The following TRIM33 variants were observed in gnomAD, a reference collection of about 807,000 sequenced individuals.
TRIM33 encodes the protein E3 ubiquitin-protein ligase TRIM33.
In TRIM33, 20 loss-of-function variants were observed where a neutral mutation model predicts 125.4. The observed-to-expected ratio is 0.16, with a 90% confidence interval of 0.11 to 0.23. TRIM33 has a LOEUF of 0.23. Among genes scored for constraint, TRIM33 ranks in the 10% least tolerant of loss-of-function variants. The probability of loss-of-function intolerance (pLI) is 1.00; values close to 1 mark genes in which losing one functional copy is unlikely to be tolerated. For missense variants in TRIM33, 920 were observed against 1,411.4 expected, an observed-to-expected ratio of 0.65 and a Z score of 5.58; for synonymous variants, 564 against 513.9, an observed-to-expected ratio of 1.10 and a Z score of -1.32.
chr1:114,467,872 A>T (rs1282086024), intron 1 of TRIM33, among the ~76,000 whole-genome samples: 4 of 152,122 alleles, frequency 2.6e-5, no homozygotes, highest in African/African-American at 4.8e-5. Flanking sequence ...GGTCATCAAC[A>T]CCACTCTCCT....
At chr1:114,471,538 G>A (rs761297979) in intron 1 of TRIM33, among the ~76,000 whole-genome samples, 1 of 150,354 alleles carries the variant, frequency 6.7e-6, no homozygotes, top group Non-Finnish European at 1.5e-5. Flanking sequence ...ATCCTGAGAA[G>A]CAAATTAGTA....
intron 5 of TRIM33, among the ~76,000 whole-genome samples, chr1:114,432,507 C>A (rs1648023192): frequency 6.6e-6 from 1 of 152,158 alleles, no homozygotes; most frequent in African/African-American, 2.4e-5. Context: ...AAAGTTCTGG[C>A]CGGGCACAGT....
intron 1 of TRIM33, among the ~76,000 whole-genome samples, chr1:114,467,030 T>C (rs557286829): frequency 6.6e-6 from 1 of 152,336 alleles, no homozygotes; most frequent in South Asian, 2.1e-4. Context: ...TAAGAAACAT[T>C]CTGAAGGTCA....
At position 114,430,836 on chromosome 1, in the gene TRIM33, T is replaced by C; in HGVS notation, c.1117A>G (p.Ile373Val). The C allele has an allele frequency of 6.2e-7, 1 of 1,609,106 alleles. No homozygotes were observed. The highest frequency in any genetic ancestry group is 8.5e-7 in the Non-Finnish European group (1 of 1,175,658). ...KVAIFTLINEINKKGKSLLQQ... is the reference protein window; with the variant it reads ...KVAIFTLINEVNKKGKSLLQQ... ...AAGAGAGATTTTCCTTTCTTATTAATTTCATTGATAAGGGTGAAAATGGCC... is the reference window on the plus strand; with the variant it reads ...AAGAGAGATTTTCCTTTCTTATTAACTTCATTGATAAGGGTGAAAATGGCC... The change falls in exon 6 of 20, where the codon ATT becomes GTT. Residue 373 changes from isoleucine (I) to valine (V), a missense_variant. This residue lies in a region of TRIM33 where 50 missense variants were observed against 110.8 expected (regional missense o/e 0.45). Coordinates refer to ENST00000358465, the MANE Select transcript of TRIM33 (RefSeq NM_015906.4).
chr1:114,458,990 G>T (rs573899236), intron 4 of TRIM33, among the ~76,000 whole-genome samples: 1 of 152,132 alleles, frequency 6.6e-6, no homozygotes, highest in Non-Finnish European at 1.5e-5. Context: ...TCCATCCAGA[G>T]AAAATAAAAT....
At chr1:114,430,222 T>G (rs1647856410) in intron 6 of TRIM33, among the ~76,000 whole-genome samples, 1 of 149,094 alleles carries the variant, frequency 6.7e-6, no homozygotes, top group Admixed American at 6.6e-5. Context: ...GTACATCACA[T>G]TTTAGTAACA....
intron 4 of TRIM33, among the ~76,000 whole-genome samples, chr1:114,438,691 C>A (rs1418483682): frequency 6.6e-6 from 1 of 152,024 alleles, no homozygotes; most frequent in African/African-American, 2.4e-5. Context: ...ACTTCTTCTC[C>A]AGTAAAATAC....
At chr1:114,501,342 G>A (rs1458827475) in intron 1 of TRIM33, among the ~76,000 whole-genome samples, 1 of 149,662 alleles carries the variant, frequency 6.7e-6, no homozygotes, top group Non-Finnish European at 1.5e-5. Flanking sequence ...CTCAAAAGCG[G>A]CTCTTTCACA....
chr1:114,499,491 CCT>C (rs1491579226), intron 1 of TRIM33, among the ~76,000 whole-genome samples: 2 of 151,924 alleles, frequency 1.3e-5, no homozygotes, highest in African/African-American at 4.8e-5. Context: ...CTGAGAATTC[CCT>C]TTTTTTTTTC....
chr1:114,478,594 T>C (rs1216378603), intron 1 of TRIM33, among the ~76,000 whole-genome samples: 2 of 152,088 alleles, frequency 1.3e-5, no homozygotes, highest in Admixed American at 6.5e-5. Context: ...GCAACTATTA[T>C]AAATATTTTA....
intron 4 of TRIM33, among the ~76,000 whole-genome samples, chr1:114,446,095 A>G (rs1648957071): frequency 1.3e-5 from 2 of 152,166 alleles, no homozygotes; most frequent in Non-Finnish European, 2.9e-5. Flanking sequence ...AGCTCAGGCA[A>G]TCCACCTGCC....
At chr1:114,423,352 G>A (rs1647329251) in intron 10 of TRIM33, among the ~76,000 whole-genome samples, 2 of 152,066 alleles carry the variant, frequency 1.3e-5, no homozygotes, top group Admixed American at 6.6e-5. Flanking sequence ...TGTTGAAGAA[G>A]TAGAAGTGTA....
intron 11 of TRIM33, among the ~76,000 whole-genome samples, chr1:114,418,884 T>C (rs540005484): frequency 2.6e-5 from 4 of 151,960 alleles, no homozygotes; most frequent in East Asian, 1.9e-4. Flanking sequence ...CAAGCACCCA[T>C]TGCCTTACTG....
chr1:114,427,049 C>A, intron 8 of TRIM33, 128 bp downstream of exon 8: 1 of 510,228 alleles, frequency 2.0e-6, no homozygotes, highest in Non-Finnish European at 3.6e-6. Context: ...TGAATAACAA[C>A]ATATTTTTAC....
chr1:114,495,078 T>G (rs1459503796), intron 1 of TRIM33, among the ~76,000 whole-genome samples: 6 of 152,102 alleles, frequency 3.9e-5, no homozygotes, highest in African/African-American at 1.4e-4. Context: ...CACACCTGGC[T>G]AATTTTTGTA....
intron 4 of TRIM33, among the ~76,000 whole-genome samples, chr1:114,453,617 T>G (rs1649463471): frequency 6.6e-6 from 1 of 152,202 alleles, no homozygotes; most frequent in Non-Finnish European, 1.5e-5. Flanking sequence ...CTGATGAAAT[T>G]ATCTTTGTTT....
chr1:114,408,315 G>T (rs1395110250), intron 13 of TRIM33, among the ~76,000 whole-genome samples: 2 of 151,730 alleles, frequency 1.3e-5, no homozygotes, highest in Non-Finnish European at 2.9e-5. Context: ...TTTTTTCAAA[G>T]GCATTTGTTG....
chr1:114,405,407 T>C lies in TRIM33; in HGVS notation c.2768+3A>G. The C allele has an allele frequency of 6.3e-7, 1 of 1,589,004 alleles. No individual in the cohort carries two copies. ...CACCAAAAATCAATTATTTCACTGG[T>C]ACCTTGGAAAGCTAAGTAGTGTTGG... On this transcript the variant is annotated splice_donor_region_variant and intron_variant, in intron 15 of 19. Coordinates refer to ENST00000358465, the MANE Select transcript of TRIM33 (RefSeq NM_015906.4).
At chr1:114,463,317 T>A in intron 3 of TRIM33, 81 bp from the exon 4 acceptor site, 1 of 1,554,398 alleles carries the variant, frequency 6.4e-7, no homozygotes, top group Non-Finnish European at 8.7e-7. Context: ...GATGTTGCTA[T>A]CCAAAGTTTA....
Sources: gnomAD v4.1 joint callset for allele counts (sites outside exome capture counted in the v4.1 genomes callset) on GRCh38, gnomAD v4.1.1 for gene constraint, gnomAD v4.1.1 regional missense constraint, MANE v1.5 for transcripts, NCBI Gene and HGNC (gene_info 2026-07-23, HGNC 2026-07-21) for gene names.